The following MACROD2 variants were observed in gnomAD, a reference collection of about 807,000 sequenced individuals.
MACROD2 encodes mono-ADP ribosylhydrolase 2, also known as ADP-ribose glycohydrolase MACROD2.
MACROD2 carries 36 observed loss-of-function variants against 70.4 expected under a neutral mutation model. The observed-to-expected ratio is 0.51, with a 90% confidence interval of 0.39 to 0.68. MACROD2 has a LOEUF of 0.68. Ranked by LOEUF, MACROD2 falls within the 30% of genes least tolerant of loss-of-function variation. The pLI is 0.00. For synonymous variants in MACROD2, 172 were observed against 178.8 expected, an observed-to-expected ratio of 0.96 and a Z score of 0.30; for missense variants, 496 against 538.4, an observed-to-expected ratio of 0.92 and a Z score of 0.78.
chr20:16,022,047 CTTT>C (rs543662575), intron 15 of MACROD2, among the ~76,000 whole-genome samples: 1,306 of 108,906 alleles, frequency 0.012, 17 homozygotes, highest in African/African-American at 0.042. Flanking sequence ...GTTTCAGTTT[CTTT>C]TTTTTTTTTT....
chr20:14,332,991 A>C (rs2082872152), intron 3 of MACROD2, among the ~76,000 whole-genome samples: 1 of 152,090 alleles, frequency 6.6e-6, no homozygotes, highest in African/African-American at 2.4e-5. Context: ...AGTGACAGCA[A>C]AATGCTTTCT....
intron 5 of MACROD2, among the ~76,000 whole-genome samples, chr20:14,957,269 G>A (rs1031702971): frequency 6.6e-6 from 1 of 151,642 alleles, no homozygotes; most frequent in Non-Finnish European, 1.5e-5. Flanking sequence ...TTTTTTTGTA[G>A]TTTTAGAAAC....
At chr20:15,516,962 A>G (rs1033626176) in intron 8 of MACROD2, among the ~76,000 whole-genome samples, 10 of 152,222 alleles carry the variant, frequency 6.6e-5, no homozygotes. Context: ...TAGACCCACC[A>G]TAAGATCTTG....
At chr20:14,856,764 T>C (rs1233509378) in intron 5 of MACROD2, among the ~76,000 whole-genome samples, 1 of 152,090 alleles carries the variant, frequency 6.6e-6, no homozygotes, top group Non-Finnish European at 1.5e-5. Flanking sequence ...GACTGCACCT[T>C]GAGCAGCAAG....
At chr20:15,070,949 G>A (rs111762289) in intron 5 of MACROD2, among the ~76,000 whole-genome samples, 22 of 149,470 alleles carry the variant, frequency 1.5e-4, no homozygotes, top group South Asian at 6.3e-4. Flanking sequence ...AAATTATTAC[G>A]AATAGCAAAA....
intron 6 of MACROD2, among the ~76,000 whole-genome samples, chr20:15,307,744 ATTTTC>A (rs2077711702): frequency 6.6e-6 from 1 of 151,926 alleles, no homozygotes; most frequent in African/African-American, 2.4e-5. Context: ...AAATAAAATA[ATTTTC>A]TTTTTTTTCT....
chr20:15,093,314 A>T (rs555287882), intron 5 of MACROD2, among the ~76,000 whole-genome samples: 13 of 152,082 alleles, frequency 8.5e-5, no homozygotes, highest in Non-Finnish European at 1.6e-4. Flanking sequence ...TTCCATGACC[A>T]TTTTTCCATG....
At chr20:15,590,157 TTATTAA>T (rs1233758416) in intron 8 of MACROD2, among the ~76,000 whole-genome samples, 21 of 152,314 alleles carry the variant, frequency 1.4e-4, no homozygotes, top group African/African-American at 4.8e-4. Context: ...GAAATTTGTG[TTATTAA>T]TATTGTTACT....
At chr20:14,770,770 A>T (rs1351159784) in intron 5 of MACROD2, among the ~76,000 whole-genome samples, 1 of 152,246 alleles carries the variant, frequency 6.6e-6, no homozygotes, top group Admixed American at 6.5e-5. Context: ...TGGATGAAGA[A>T]CCTGAAGCCC....
intron 3 of MACROD2, among the ~76,000 whole-genome samples, chr20:14,162,284 C>T (rs938256414): frequency 1.3e-5 from 2 of 152,018 alleles, no homozygotes; most frequent in Admixed American, 6.6e-5. Flanking sequence ...GTTTTGTGTC[C>T]TAATGTATAG....
chr20:14,373,538 C>T (rs918130237), intron 3 of MACROD2, among the ~76,000 whole-genome samples: 1 of 152,136 alleles, frequency 6.6e-6, no homozygotes, highest in Non-Finnish European at 1.5e-5. Flanking sequence ...ATCCCTCACT[C>T]TAGCCCCTAT....
chr20:15,137,614 A>T (rs1165600467), intron 5 of MACROD2, among the ~76,000 whole-genome samples: 1 of 150,408 alleles, frequency 6.6e-6, no homozygotes, highest in East Asian at 2.0e-4. Context: ...ATGCTACATG[A>T]TGAGTTAATG....
chr20:14,648,595 C>T (rs1985517038), intron 4 of MACROD2, among the ~76,000 whole-genome samples: 1 of 150,742 alleles, frequency 6.6e-6, no homozygotes, highest in Admixed American at 6.6e-5. Flanking sequence ...ACTTTCTCTC[C>T]TTTGCCTCTT....
At chr20:14,537,642 G>T (rs1307628610) in intron 4 of MACROD2, among the ~76,000 whole-genome samples, 1 of 152,148 alleles carries the variant, frequency 6.6e-6, no homozygotes, top group Non-Finnish European at 1.5e-5. Context: ...CATCACCAAT[G>T]TAAGTTCCAT....
chr20:15,875,331 A>G (rs2064652848), intron 9 of MACROD2, among the ~76,000 whole-genome samples: 2 of 152,150 alleles, frequency 1.3e-5, no homozygotes, highest in Non-Finnish European at 2.9e-5. Context: ...CCCAAATGAT[A>G]CATTCAATGT....
intron 3 of MACROD2, among the ~76,000 whole-genome samples, chr20:14,187,139 G>GAAAAAAAAAA (rs71335951): frequency 1.8e-5 from 2 of 112,982 alleles, no homozygotes; most frequent in Non-Finnish European, 3.7e-5. Context: ...TTTAAAAAAG[G>GAAAAAAAAAA]AAAAAAAAAA....
At chr20:16,016,437 A>G (rs761795303) in intron 15 of MACROD2, among the ~76,000 whole-genome samples, 14 of 152,144 alleles carry the variant, frequency 9.2e-5, no homozygotes, top group Non-Finnish European at 5.9e-5. Flanking sequence ...CTTTTTGGCT[A>G]TTGCCAAAAA....
intron 5 of MACROD2, among the ~76,000 whole-genome samples, chr20:15,092,415 T>G (rs2075799314): frequency 6.7e-6 from 1 of 148,496 alleles, no homozygotes; most frequent in African/African-American, 2.4e-5. Flanking sequence ...AATTAAATAT[T>G]TTCATTATAA....
At chr20:14,928,906 C>T (rs543860967) in intron 5 of MACROD2, among the ~76,000 whole-genome samples, 28 of 152,246 alleles carry the variant, frequency 1.8e-4, no homozygotes, top group East Asian at 5.8e-4. Flanking sequence ...TAATCACTAG[C>T]GTTCCTTTAG....
Sources: allele counts gnomAD v4.1 joint callset (sites outside exome capture counted in the v4.1 genomes callset), GRCh38; gene constraint gnomAD v4.1.1; transcripts MANE v1.5; gene names NCBI Gene and HGNC (gene_info 2026-07-23, HGNC 2026-07-21).